BANK1: variants seen among roughly 807,000 people sequenced by gnomAD.
The protein encoded by BANK1 is B-cell scaffold protein with ankyrin repeats.
In BANK1, 95 loss-of-function variants were observed where a neutral mutation model predicts 94.5. That is an observed-to-expected ratio of 1.00 (90% CI 0.85 to 1.19). The LOEUF is 1.19. BANK1 is among the 50% of genes most tolerant of loss of function. BANK1 has a pLI of 0.00. For synonymous variants in BANK1, 334 were observed against 308.4 expected (o/e 1.08, Z -0.87); for missense variants, 987 against 932.2 (o/e 1.06, Z -0.77).
intron 5 of BANK1, among the ~76,000 whole-genome samples, chr4:101,890,125 T>C (rs925790887): frequency 3.9e-5 from 6 of 152,198 alleles, no homozygotes; most frequent in African/African-American, 1.4e-4. Context: ...TTGGAAAGAA[T>C]GTATTCTGCT....
At chr4:101,865,315 T>TAA (rs1369482981) in intron 4 of BANK1, among the ~76,000 whole-genome samples, 3 of 152,116 alleles carry the variant, frequency 2.0e-5, no homozygotes, top group Non-Finnish European at 4.4e-5. Flanking sequence ...TTGATGAATG[T>TAA]CTGAAAGCTG....
chr4:101,991,830 C>G (rs1315242181), intron 7 of BANK1, among the ~76,000 whole-genome samples: 2 of 152,188 alleles, frequency 1.3e-5, no homozygotes, highest in Non-Finnish European at 2.9e-5. Context: ...TGTGTATTTG[C>G]ACATACATGT....
At chr4:101,936,356 C>G (rs1371240937) in intron 7 of BANK1, among the ~76,000 whole-genome samples, 1 of 149,842 alleles carries the variant, frequency 6.7e-6, no homozygotes, top group Non-Finnish European at 1.5e-5. Context: ...TACATGTATA[C>G]ATACATGCAT....
chr4:101,862,070 G>C (rs1328063767), intron 3 of BANK1, among the ~76,000 whole-genome samples: 2 of 152,014 alleles, frequency 1.3e-5, no homozygotes, highest in African/African-American at 4.8e-5. Flanking sequence ...TAAATTGTAA[G>C]AGATCTTAAA....
chr4:101,993,354 C>T (rs567171681), intron 7 of BANK1, among the ~76,000 whole-genome samples: 1 of 152,282 alleles, frequency 6.6e-6, no homozygotes, highest in African/African-American at 2.4e-5. Context: ...TTACTTTCTT[C>T]TCTCCTGAAC....
intron 13 of BANK1, among the ~76,000 whole-genome samples, chr4:102,063,376 C>A (rs780772956): frequency 7.9e-5 from 12 of 151,648 alleles, no homozygotes; most frequent in Admixed American, 1.3e-4. Context: ...TTATCATATT[C>A]TCTGGTTCAT....
chr4:102,017,540 G>A (rs1726750660), intron 7 of BANK1, among the ~76,000 whole-genome samples: 1 of 152,196 alleles, frequency 6.6e-6, no homozygotes, highest in South Asian at 2.1e-4. Context: ...GTGAGCACAG[G>A]TCAGAATGAG....
chr4:101,867,175 T>TAAA (rs774893110), intron 4 of BANK1, among the ~76,000 whole-genome samples: 5 of 34,220 alleles, frequency 1.5e-4, no homozygotes, highest in East Asian at 7.5e-4. Context: ...TAAAAAAAAT[T>TAAA]TAAAAAAAAA....
intron 3 of BANK1, among the ~76,000 whole-genome samples, chr4:101,855,935 C>A (rs1467129419): frequency 6.6e-6 from 1 of 152,134 alleles, no homozygotes; most frequent in Non-Finnish European, 1.5e-5. Flanking sequence ...GAATGAACCA[C>A]TAAAATAAGC....
chr4:101,981,824 T>G (rs1466336167), intron 7 of BANK1: 6 of 152,252 alleles, frequency 3.9e-5, no homozygotes, highest in Non-Finnish European at 8.8e-5. Context: ...AGGAGCCAGG[T>G]TGTTTTACAG....
intron 12 of BANK1, chr4:102,061,317 T>A (rs1440671602): frequency 1.3e-5 from 2 of 152,224 alleles, no homozygotes; most frequent in Admixed American, 6.5e-5. Flanking sequence ...ACATCTGAGA[T>A]CATGCCTTGT....
chr4:101,982,392 A>T (rs1442148316), intron 7 of BANK1, among the ~76,000 whole-genome samples: 1 of 152,004 alleles, frequency 6.6e-6, no homozygotes. Context: ...TAGGCCTATT[A>T]GTGGCCTGAA....
intron 6 of BANK1, among the ~76,000 whole-genome samples, chr4:101,896,589 A>G (rs185836635): frequency 1.1e-4 from 16 of 152,054 alleles, no homozygotes; most frequent in Admixed American, 2.0e-4. Context: ...TTTTGTTTCC[A>G]ATATACATTT....
At chr4:102,073,875 A>T in intron 16 of BANK1, 127 bp downstream of exon 16, 1 of 702,502 alleles carries the variant, frequency 1.4e-6, no homozygotes, top group Non-Finnish European at 2.3e-6. Context: ...AAGGATTAAC[A>T]TGTATTTTTC....
chr4:101,815,130 A>C (rs72923422), intron 1 of BANK1, among the ~76,000 whole-genome samples: 2,310 of 152,256 alleles, frequency 0.015, 60 homozygotes, highest in African/African-American at 0.053. Context: ...GAGAAAGTGG[A>C]GTTTATAATG....
intron 7 of BANK1, among the ~76,000 whole-genome samples, chr4:101,931,292 T>C (rs1723332237): frequency 6.6e-6 from 1 of 151,694 alleles, no homozygotes; most frequent in Middle Eastern, 3.4e-3. Flanking sequence ...CAAAGCAGAT[T>C]GCTTTTCCAA....
chr4:102,017,850 G>T (rs1374809329), intron 7 of BANK1, among the ~76,000 whole-genome samples: 1 of 152,144 alleles, frequency 6.6e-6, no homozygotes, highest in Non-Finnish European at 1.5e-5. Flanking sequence ...CCCATACAAA[G>T]AAAATTTCTA....
chr4:101,870,432 A>G (rs767542937), intron 4 of BANK1, 73 bp from the exon 5 acceptor site: 388 of 1,312,398 alleles, frequency 3.0e-4, no homozygotes, highest in Non-Finnish European at 3.7e-4. Context: ...CTTCTTTTAT[A>G]TTCTCTAAAA....
At chr4:101,864,111 G>T (rs185566525) in intron 4 of BANK1, among the ~76,000 whole-genome samples, 159 of 152,208 alleles carry the variant, frequency 1.0e-3, no homozygotes, top group African/African-American at 3.5e-3. Context: ...CAACAAATCT[G>T]TAATAAATAA....
Sources: allele counts gnomAD v4.1 joint callset (sites outside exome capture counted in the v4.1 genomes callset), GRCh38; gene constraint gnomAD v4.1.1; transcripts MANE v1.5; gene names NCBI Gene and HGNC (gene_info 2026-07-23, HGNC 2026-07-21).